MYOM2: variants seen among roughly 807,000 people sequenced by gnomAD.
MYOM2 encodes myomesin 2.
Under a neutral mutation model 187.6 loss-of-function variants are expected in MYOM2, and 254 were observed. The observed-to-expected ratio is 1.35, with a 90% confidence interval of 1.22 to 1.50. The LOEUF is 1.50. Among genes scored for constraint, MYOM2 ranks in the 40% most tolerant of loss-of-function variants. The pLI is 0.00. For missense variants in MYOM2, 2,796 were observed against 1,924.0 expected, an observed-to-expected ratio of 1.45 and a Z score of -8.48; for synonymous variants, 981 against 753.8, an observed-to-expected ratio of 1.30 and a Z score of -4.94.
At chr8:2,096,876 C>T (rs778635629) in intron 18 of MYOM2, among the ~76,000 whole-genome samples, 26 of 152,180 alleles carry the variant, frequency 1.7e-4, no homozygotes, top group Non-Finnish European at 2.9e-4. Flanking sequence ...GTATTTCAGG[C>T]CTCCCAGAGA....
chr8:2,115,675 C>G (rs897258640), intron 25 of MYOM2, among the ~76,000 whole-genome samples: 3 of 152,202 alleles, frequency 2.0e-5, no homozygotes, highest in African/African-American at 7.2e-5. Flanking sequence ...TTATCTGCTT[C>G]ACGTTAGTAA....
intron 32 of MYOM2, among the ~76,000 whole-genome samples, chr8:2,137,564 T>TTGTGTGTGTGTGTGTG (rs35420025): frequency 6.7e-6 from 1 of 150,098 alleles, no homozygotes; most frequent in African/African-American, 2.5e-5. Flanking sequence ...CTGTGCCTGG[T>TTGTGTGTGTGTGTGTG]TGTGTGTGTG....
intron 3 of MYOM2, among the ~76,000 whole-genome samples, chr8:2,052,814 G>A (rs17064583): frequency 6.6e-6 from 1 of 152,330 alleles, no homozygotes; most frequent in African/African-American, 2.4e-5. Context: ...CTTCCTAAGC[G>A]GGAGCCAGGG....
intron 34 of MYOM2, among the ~76,000 whole-genome samples, chr8:2,141,939 G>A (rs776688800): frequency 1.3e-5 from 2 of 152,170 alleles, no homozygotes; most frequent in African/African-American, 4.8e-5. Context: ...TCGCACATCC[G>A]AAGCTGACCG....
intron 1 of MYOM2, among the ~76,000 whole-genome samples, chr8:2,049,797 G>C (rs572725716): frequency 6.6e-6 from 1 of 152,178 alleles, no homozygotes; most frequent in South Asian, 2.1e-4. Flanking sequence ...GGCATTTTAC[G>C]TGTTTTGGGT....
intron 18 of MYOM2, chr8:2,097,050 C>CA (rs1796517237): frequency 4.5e-6 from 4 of 881,652 alleles, no homozygotes; most frequent in Non-Finnish European, 5.4e-6. Flanking sequence ...GAATGACCCT[C>CA]ATCTCACACT....
chr8:2,099,395 C>G (rs1378319461), intron 19 of MYOM2, among the ~76,000 whole-genome samples: 1 of 152,012 alleles, frequency 6.6e-6, no homozygotes, highest in East Asian at 1.9e-4. Flanking sequence ...AGCTGGGAGG[C>G]GCGACAGGGT....
intron 14 of MYOM2, among the ~76,000 whole-genome samples, chr8:2,086,976 G>A (rs988986186): frequency 6.6e-6 from 1 of 151,664 alleles, no homozygotes. Context: ...AAATACAAAA[G>A]ACGTTGTATA....
intron 25 of MYOM2, 54 bp downstream of exon 25, chr8:2,109,585 G>A: frequency 6.4e-7 from 1 of 1,550,664 alleles, no homozygotes; most frequent in Non-Finnish European, 8.7e-7. Context: ...CTTTTGTTGT[G>A]GTAGGTCAGT....
chr8:2,112,148 A>T (rs1380727877), intron 25 of MYOM2, among the ~76,000 whole-genome samples: 2 of 152,174 alleles, frequency 1.3e-5, no homozygotes, highest in Non-Finnish European at 2.9e-5. Context: ...CTTGGCCAAT[A>T]CACCAGCAGG....
chr8:2,099,904 C>T (rs916222851), intron 19 of MYOM2, among the ~76,000 whole-genome samples: 4 of 152,182 alleles, frequency 2.6e-5, no homozygotes, highest in African/African-American at 9.7e-5. Context: ...AGTATACTGC[C>T]TTTTTCCTTT....
chr8:2,108,347 T>A (rs953683790), intron 23 of MYOM2, among the ~76,000 whole-genome samples: 4 of 152,056 alleles, frequency 2.6e-5, no homozygotes, highest in Admixed American at 6.6e-5. Context: ...GGTGTGTATA[T>A]CTTTCTTTAA....
At chr8:2,139,982 A>C (rs867704037) in intron 32 of MYOM2, among the ~76,000 whole-genome samples, 1 of 152,118 alleles carries the variant, frequency 6.6e-6, no homozygotes, top group Admixed American at 6.5e-5. Flanking sequence ...TGTTAAGTAC[A>C]TTCACATCAT....
At chr8:2,072,279 T>C in intron 8 of MYOM2, 66 bp from the exon 9 acceptor site, 4 of 1,090,728 alleles carry the variant, frequency 3.7e-6, no homozygotes, top group Non-Finnish European at 4.7e-6. Context: ...CCTTCGGCCA[T>C]GAAAGCCTCC....
intron 31 of MYOM2, chr8:2,127,946 A>T (rs970567966): frequency 6.6e-6 from 1 of 152,328 alleles, no homozygotes; most frequent in Non-Finnish European, 1.5e-5. Flanking sequence ...CTTCACCATC[A>T]TAACAGTTTC....
intron 6 of MYOM2, among the ~76,000 whole-genome samples, chr8:2,060,896 A>T (rs1260600436): frequency 6.6e-6 from 1 of 152,128 alleles, no homozygotes; most frequent in East Asian, 1.9e-4. Flanking sequence ...AGCTCTGAGT[A>T]CAGCAGGAAA....
chr8:2,100,749 G>A (rs1796678382), intron 19 of MYOM2, 127 bp from the exon 20 acceptor site: 4 of 848,542 alleles, frequency 4.7e-6, no homozygotes. Flanking sequence ...CATCAGATGG[G>A]GAACAGATAC....
At chr8:2,090,760 G>C (rs1796274093) in intron 15 of MYOM2, among the ~76,000 whole-genome samples, 1 of 152,128 alleles carries the variant, frequency 6.6e-6, no homozygotes, top group African/African-American at 2.4e-5. Context: ...AAGGATAATG[G>C]CCTCCAGCTT....
chr8:2,065,617 A>ATTTCTTCTTATTGCCCAGTG (rs1818993969), intron 6 of MYOM2, among the ~76,000 whole-genome samples: 1 of 151,992 alleles, frequency 6.6e-6, no homozygotes, highest in African/African-American at 2.4e-5. Context: ...TTTTCTTCTT[A>ATTTCTTCTTATTGCCCAGTG]TTTCTTCTTA....
Sources: gnomAD v4.1 joint callset for allele counts (sites outside exome capture counted in the v4.1 genomes callset) on GRCh38, gnomAD v4.1.1 for gene constraint, MANE v1.5 for transcripts, NCBI Gene and HGNC (gene_info 2026-07-23, HGNC 2026-07-21) for gene names.